Variants in ITGB4 observed in about 807,000 individuals in gnomAD.
The protein encoded by ITGB4 is integrin beta-4.
A neutral mutation model predicts 207.6 loss-of-function variants in ITGB4; 159 were observed. The observed-to-expected ratio is 0.77, with a 90% CI of 0.67 to 0.87. The LOEUF (loss-of-function observed/expected upper bound fraction) is 0.87, where lower values mean the gene tolerates loss of function less well. Ranked by LOEUF, ITGB4 falls within the 40% of genes least tolerant of loss-of-function variation. The probability of loss-of-function intolerance (pLI) is 0.00; values close to 1 mark genes in which losing one functional copy is unlikely to be tolerated. For missense variants in ITGB4, 2,278 were observed against 2,546.8 expected (o/e 0.89, Z 2.27); for synonymous variants, 1,020 against 1,062.7 (o/e 0.96, Z 0.78).
chr17:75,733,155 G>A (rs1454806871), intron 12 of ITGB4, among the ~76,000 whole-genome samples: 5 of 151,914 alleles, frequency 3.3e-5, no homozygotes, highest in African/African-American at 7.3e-5. Flanking sequence ...TTGGGAGGCC[G>A]AGGTGGGCGG....
chr17:75,734,940 T>C lies in ITGB4; in HGVS notation c.1658-1111T>C, dbSNP rs536338961. Among the ~76,000 whole-genome samples, 3 of 152,358 alleles carry C rather than the reference T, an allele frequency of 2.0e-5. No individual in the cohort carries two copies. In the South Asian group the frequency reaches 6.2e-4, roughly 32 times the overall value. On this transcript the variant is annotated intron_variant, in intron 13 of 39. Coordinates refer to ENST00000200181, the MANE Select transcript of ITGB4 (RefSeq NM_000213.5). ...AAAAGGGGGTCACTGGAGGTTTTAC[T>C]TTCATTTTCTAACTATTTGCATATT...
chr17:75,748,788 C>T, intron 26 of ITGB4, 53 bp from the exon 27 acceptor site: 2 of 1,427,618 alleles, frequency 1.4e-6, no homozygotes, highest in South Asian at 1.2e-5. Context: ...GTGGCCATGA[C>T]TCTTGCCTCA....
At position 75,729,504 on chromosome 17, in the gene ITGB4, GC is replaced by G; in HGVS notation, c.738+73del. On this transcript the variant is annotated intron_variant, in intron 7 of 39. Coordinates refer to ENST00000200181, the MANE Select transcript of ITGB4 (RefSeq NM_000213.5). The surrounding 1 kb of genome is among the most constrained non-coding windows in gnomAD (Gnocchi z 4.4). Reference sequence around the variant, plus strand: ...GCACTTCTGGGCAAGGGCCTGAGCTGCCCCCTGGCCTGCTCTGGTGCCAGGC... The same window carrying G: ...GCACTTCTGGGCAAGGGCCTGAGCTGCCCCTGGCCTGCTCTGGTGCCAGGC... 6.6e-7 allele frequency: 1 copy of G among 1,517,684 alleles called. No homozygotes were observed. The highest frequency in any genetic ancestry group is 1.2e-5 in the South Asian group (1 of 83,580). 94.0% of individuals were successfully genotyped at this position (1,517,684 alleles called of 1,614,324 possible).
chr17:75,753,517 G>A (rs115576452), intron 32 of ITGB4, among the ~76,000 whole-genome samples: 2 of 152,146 alleles, frequency 1.3e-5, no homozygotes, highest in South Asian at 4.1e-4. Context: ...GGGTCCGGGG[G>A]TCTCTCCTCC....
At chr17:75,737,477 CG>C in intron 17 of ITGB4, 33 bp downstream of exon 17, 2 of 1,553,266 alleles carry the variant, frequency 1.3e-6, no homozygotes, top group Non-Finnish European at 1.7e-6. Context: ...AGGGAGGGGG[CG>C]TGTGGCCAGA....
At chr17:75,756,184 A>G (rs1030618039) in intron 35 of ITGB4, among the ~76,000 whole-genome samples, 2 of 152,168 alleles carry the variant, frequency 1.3e-5, no homozygotes, top group Admixed American at 6.5e-5. Flanking sequence ...GGGCAGGCAC[A>G]TTCAAAGCAG....
rs1568363712 is a variant in ITGB4 at position 75,740,409 on chromosome 17, T to C, written c.2498T>C (p.Leu833Pro). The change falls in exon 21 of 40, where the codon CTG becomes CCG. Residue 833 changes from leucine to proline, a missense_variant. Coordinates refer to ENST00000200181, the MANE Select transcript of ITGB4 (RefSeq NM_000213.5). The surrounding 1 kb of genome is among the most constrained non-coding windows in gnomAD (Gnocchi z 5.9). The part of the protein sequence containing the change: ...RLARLCTENL[L>P]KPDTRECAQL... ...GCCCGCCTTTGCACCGAGAACCTGC[T>C]GAAGCCTGACACTCGGGAGTGCGCC... 2 of 1,613,644 alleles carry C rather than the reference T, an allele frequency of 1.2e-6. No homozygotes were observed. Among genetic ancestry groups the C allele is most frequent in the Non-Finnish European group, 1.7e-6 (2 of 1,179,944 alleles).
Position 75,755,824 on chromosome 17 carries a change from G to A in ITGB4, c.4682G>A (p.Ser1561Asn). 3 of 1,607,512 alleles carry A rather than the reference G, an allele frequency of 1.9e-6. No individual in the cohort carries two copies. Among genetic ancestry groups the A allele is most frequent in the Non-Finnish European group, 2.5e-6 (3 of 1,179,774 alleles). ...PRCERPLQGYSVEYQLLNGGE... is the reference protein window; with the variant it reads ...PRCERPLQGYNVEYQLLNGGE... ...TGCGAGCGGCCGCTGCAGGGCTACA[G>A]TGTGGAGTACCAGCTGCTGAACGGC... Residue 1561 changes from serine to asparagine, a missense_variant, in exon 35 of 40, where the codon AGT becomes AAT. By Grantham distance (46) the Ser-to-Asn change is conservative. Transcript: ENST00000200181.
rs2060759138 is a variant in ITGB4 at position 75,727,977 on chromosome 17, C to A, written c.469+122C>A. 1 of 878,592 alleles carries A rather than the reference C, an allele frequency of 1.1e-6. No homozygotes were observed. Among genetic ancestry groups the A allele is most frequent in the East Asian group, 2.6e-5 (1 of 38,836 alleles). The allele number at this position is 878,592 out of a possible 1,614,324, so 54.4% of individuals were successfully genotyped here. On this transcript the variant is annotated intron_variant, in intron 5 of 39. Coordinates refer to ENST00000200181, the MANE Select transcript of ITGB4 (RefSeq NM_000213.5). The surrounding 1 kb of genome is among the most constrained non-coding windows in gnomAD (Gnocchi z 6.0). ...AAGGAAACACTGGACATTTGAGCCC[C>A]CAAAAACCTTCCCTTCCATTCTCAA...
chr17:75,755,338 C>G, intron 34 of ITGB4: 1 of 1,034,220 alleles, frequency 9.7e-7, no homozygotes, highest in Non-Finnish European at 1.4e-6. Flanking sequence ...CCCCGCCTGC[C>G]CACAGGCGCT....
At chr17:75,728,567 G>T in intron 6 of ITGB4, 94 bp downstream of exon 6, 1 of 1,013,746 alleles carries the variant, frequency 9.9e-7, no homozygotes, top group Non-Finnish European at 1.5e-6. Context: ...ATCCTTCTAC[G>T]GCTGGGCACG....
rs144151166 is a variant in ITGB4 at position 75,739,570 on chromosome 17, G to A, written c.2221-102G>A. ...ATATTCTGGTGTCTGGGGAGGCACT[G>A]TCACCCCTCTTGACCATTGGCATGG... On this transcript the variant is annotated intron_variant, in intron 18 of 39. Coordinates refer to ENST00000200181, the MANE Select transcript of ITGB4 (RefSeq NM_000213.5). The surrounding 1 kb of genome is among the most constrained non-coding windows in gnomAD (Gnocchi z 5.4). 559 of 1,342,090 alleles carry A rather than the reference G, an allele frequency of 4.2e-4. 4 individuals are homozygous for A. The African/African-American group carries it at 6.8e-3, about 16-fold the overall frequency. 83.1% of individuals were successfully genotyped at this position (1,342,090 alleles called of 1,614,324 possible). A position where few individuals can be genotyped will look rare whatever the true frequency, so the allele number is the denominator to read the frequency against.
Position 75,750,056 on chromosome 17 carries a change from C to A in ITGB4, c.3317-55C>A. On this transcript the variant is annotated intron_variant, in intron 27 of 39. Coordinates refer to ENST00000200181, the MANE Select transcript of ITGB4 (RefSeq NM_000213.5). This position sits in a 1 kb window ranked among gnomAD's most constrained non-coding sequence, Gnocchi z 5.5. ...GGTGTTGAAGTGGGTCTCTGGCGCC[C>A]CCTGGTGGTGAAGGGGGATCTGAGT... 3.7e-6 allele frequency: 6 copies of A among 1,610,418 alleles called. No individual in the cohort carries two copies. The South Asian group carries it at 6.6e-5, about 18-fold the overall frequency.
chr17:75,738,487 CACAGTCCT>C (rs2061032770), intron 18 of ITGB4, among the ~76,000 whole-genome samples: 1 of 152,196 alleles, frequency 6.6e-6, no homozygotes, highest in Non-Finnish European at 1.5e-5. Flanking sequence ...GTGATAAATG[CACAGTCCT>C]CAGAAGGGGC....
rs564825454 is a variant in ITGB4, at chr17:75,730,235, C to A, written c.739-6C>A. ...CAGTGGGCACGCCCCGCCTTGCCTT[C>A]CCCAGAGGGACATTGGCTGGCGCCC... is the stretch of plus-strand genomic sequence containing the variant. On this transcript the variant is annotated splice_polypyrimidine_tract_variant and splice_region_variant and intron_variant, in intron 7 of 39. Transcript: ENST00000200181. The A allele has an allele frequency of 3.7e-6, 6 of 1,612,724 alleles. No homozygotes were observed. In the South Asian group the frequency reaches 5.5e-5, roughly 15 times the overall value.
At chr17:75,754,922 A>G in intron 34 of ITGB4, 107 bp downstream of exon 34, 1 of 1,555,630 alleles carries the variant, frequency 6.4e-7, no homozygotes, top group Non-Finnish European at 8.8e-7. Context: ...TCTCCAACAT[A>G]CACACACGCA....
intron 1 of ITGB4, among the ~76,000 whole-genome samples, chr17:75,724,479 G>A (rs1006759141): frequency 1.1e-4 from 17 of 152,364 alleles, no homozygotes; most frequent in East Asian, 7.7e-4. Context: ...GGGGCCTCCC[G>A]GGGCAGGGCA....
At chr17:75,743,295 C>A (rs1437685500) in intron 25 of ITGB4, among the ~76,000 whole-genome samples, 1 of 152,146 alleles carries the variant, frequency 6.6e-6, no homozygotes, top group Non-Finnish European at 1.5e-5. Context: ...TGCAATGGCA[C>A]CATCTTGGCT....
intron 23 of ITGB4, among the ~76,000 whole-genome samples, chr17:75,741,521 G>A (rs1237863584): frequency 6.6e-6 from 1 of 151,966 alleles, no homozygotes; most frequent in Admixed American, 6.6e-5. Flanking sequence ...AGTAAGAACC[G>A]TTGGCTGTGC....
Sources: gnomAD v4.1 joint callset for allele counts (sites outside exome capture counted in the v4.1 genomes callset) on GRCh38, gnomAD v4.1.1 for gene constraint, Gnocchi (gnomAD v3.1) non-coding constraint, MANE v1.5 for transcripts, NCBI Gene and HGNC (gene_info 2026-07-23, HGNC 2026-07-21) for gene names.